KCNK9: variants seen among roughly 807,000 people sequenced by gnomAD.
KCNK9 encodes potassium channel subfamily K member 9.
A neutral mutation model predicts 10.8 loss-of-function variants in KCNK9; 1 was observed. That is an observed-to-expected ratio of 0.09 (90% CI 0.03 to 0.44). KCNK9 has a LOEUF of 0.44. KCNK9 is among the 20% of genes least tolerant of loss of function. The probability of loss-of-function intolerance (pLI) is 0.97; values close to 1 mark genes in which losing one functional copy is unlikely to be tolerated. For missense variants in KCNK9, 303 were observed against 515.0 expected, an observed-to-expected ratio of 0.59 and a Z score of 3.98; for synonymous variants, 231 against 222.7, an observed-to-expected ratio of 1.04 and a Z score of -0.33.
chr8:139,624,994 TC>T (rs1359905735), intron 1 of KCNK9, among the ~76,000 whole-genome samples: 1 of 152,192 alleles, frequency 6.6e-6, no homozygotes, highest in African/African-American at 2.4e-5. Flanking sequence ...TACTTCCTCA[TC>T]TGTGAAATGG....
chr8:139,694,015 G>A (rs982873829), intron 1 of KCNK9, among the ~76,000 whole-genome samples: 2 of 152,110 alleles, frequency 1.3e-5, no homozygotes, highest in African/African-American at 4.8e-5. Flanking sequence ...GGCCCCCAAA[G>A]CCCCCGGCTT....
intron 1 of KCNK9, among the ~76,000 whole-genome samples, chr8:139,673,501 T>C (rs2129741044): frequency 6.6e-6 from 1 of 152,304 alleles, no homozygotes; most frequent in South Asian, 2.1e-4. Flanking sequence ...CCCGTCCCCT[T>C]GACAGGTGTC....
chr8:139,650,374 C>T (rs899412817), intron 1 of KCNK9, among the ~76,000 whole-genome samples: 1 of 152,214 alleles, frequency 6.6e-6, no homozygotes, highest in Non-Finnish European at 1.5e-5. Context: ...CGACCTGGCA[C>T]ACACAGTGCT....
intron 1 of KCNK9, among the ~76,000 whole-genome samples, chr8:139,635,235 A>G (rs138160850): frequency 9.2e-5 from 14 of 152,384 alleles, no homozygotes; most frequent in African/African-American, 3.4e-4. Context: ...TGTTCTAAAC[A>G]GCAGAGTAAC....
chr8:139,620,847 A>G (rs1273796821), intron 1 of KCNK9, among the ~76,000 whole-genome samples: 2 of 152,202 alleles, frequency 1.3e-5, no homozygotes, highest in Non-Finnish European at 2.9e-5. Context: ...TAATAGATAT[A>G]TCAATTGAAA....
chr8:139,690,358 G>T (rs542369889), intron 1 of KCNK9, among the ~76,000 whole-genome samples: 1 of 152,326 alleles, frequency 6.6e-6, no homozygotes, highest in South Asian at 2.1e-4. Context: ...TAAAAAAACA[G>T]AATCCCATGG....
intron 1 of KCNK9, among the ~76,000 whole-genome samples, chr8:139,689,419 G>T (rs1416843725): frequency 6.6e-6 from 1 of 152,152 alleles, no homozygotes; most frequent in Non-Finnish European, 1.5e-5. Context: ...AGGAGTAGGT[G>T]GCAGGAGGGA....
chr8:139,659,764 C>T (rs767702103), intron 1 of KCNK9, among the ~76,000 whole-genome samples: 6 of 150,974 alleles, frequency 4.0e-5, no homozygotes, highest in Admixed American at 2.7e-4. Context: ...CTTCATGATC[C>T]GCCTGCCTTG....
At chr8:139,629,995 C>A (rs1247140581) in intron 1 of KCNK9, among the ~76,000 whole-genome samples, 3 of 151,452 alleles carry the variant, frequency 2.0e-5, no homozygotes, top group Non-Finnish European at 4.4e-5. Flanking sequence ...TAGGAGTCCA[C>A]GAACACCAGA....
At chr8:139,601,211 C>T (rs545919787) in exon 3 of KCNK9, 21 of 152,244 alleles carry the variant, frequency 1.4e-4, no homozygotes, top group Non-Finnish European at 1.6e-4. Context: ...AGGCAGTGGA[C>T]TTGAACTTCT....
At chr8:139,613,659 CGTT>C (rs1460382156), downstream of KCNK9, among the ~76,000 whole-genome samples, 2 of 152,320 alleles carry the variant, frequency 1.3e-5, no homozygotes, top group African/African-American at 2.4e-5. Context: ...CAAGCTGTCT[CGTT>C]GTGTTGATGG....
At position 139,675,470 on chromosome 8, in the gene KCNK9, G is replaced by T. The variant is rs965982075; in HGVS notation, c.283+27240C>A. ...AGAAAGGGATTAGTGCCCTTATAAG[G>T]ACAGACCCCAGAAAGCCAGCTCACT... On this transcript the variant is annotated intron_variant, in intron 1 of 1. Coordinates refer to ENST00000520439, the MANE Select transcript of KCNK9 (RefSeq NM_001282534.2). Among the ~76,000 whole-genome samples, 3 of 152,148 alleles carry T rather than the reference G, an allele frequency of 2.0e-5. No individual in the cohort carries two copies. In the East Asian group the frequency reaches 5.8e-4, roughly 29 times the overall value.
intron 2 of KCNK9, among the ~76,000 whole-genome samples, chr8:139,605,939 A>G (rs1266126499): frequency 6.6e-6 from 1 of 152,230 alleles, no homozygotes; most frequent in African/African-American, 2.4e-5. Flanking sequence ...TCAGAACGGC[A>G]TTCTAAGGCC....
downstream of KCNK9, among the ~76,000 whole-genome samples, chr8:139,609,238 G>GCCCCCCCCCCCCCCCCCCCC (rs1334845811): frequency 3.2e-5 from 3 of 93,666 alleles, no homozygotes; most frequent in African/African-American, 1.3e-4. Flanking sequence ...GGGGTGCTCT[G>GCCCCCCCCCCCCCCCCCCCC]CCCCCCCACC....
chr8:139,662,741 C>T (rs566735257), intron 1 of KCNK9, among the ~76,000 whole-genome samples: 2 of 152,002 alleles, frequency 1.3e-5, no homozygotes, highest in African/African-American at 2.4e-5. Context: ...CCACCCTGAA[C>T]AGACACTGTG....
intron 1 of KCNK9, among the ~76,000 whole-genome samples, chr8:139,694,496 C>T (rs1439958120): frequency 6.6e-6 from 1 of 152,226 alleles, no homozygotes; most frequent in Admixed American, 6.5e-5. Flanking sequence ...GCACTGGCAT[C>T]CCAGGTCTGC....
At chr8:139,624,999 GAA>G (rs1227469051) in intron 1 of KCNK9, among the ~76,000 whole-genome samples, 1 of 152,182 alleles carries the variant, frequency 6.6e-6, no homozygotes, top group African/African-American at 2.4e-5. Flanking sequence ...CCTCATCTGT[GAA>G]ATGGGGCAGA....
chr8:139,677,189 T>C (rs1816568759), intron 1 of KCNK9, among the ~76,000 whole-genome samples: 1 of 152,088 alleles, frequency 6.6e-6, no homozygotes, highest in South Asian at 2.1e-4. Flanking sequence ...AGGTTGATGC[T>C]GGGCACAGCA....
chr8:139,652,647 C>G (rs1815903052), intron 1 of KCNK9, among the ~76,000 whole-genome samples: 1 of 152,180 alleles, frequency 6.6e-6, no homozygotes, highest in African/African-American at 2.4e-5. Context: ...ATTTGTTCTG[C>G]CTTCCGAATG....
Sources: gnomAD v4.1 joint callset for allele counts (sites outside exome capture counted in the v4.1 genomes callset) on GRCh38, gnomAD v4.1.1 for gene constraint, MANE v1.5 for transcripts, NCBI Gene and HGNC (gene_info 2026-07-23, HGNC 2026-07-21) for gene names.